The following SLC24A2 variants were observed in gnomAD, a reference collection of about 807,000 sequenced individuals.
The protein encoded by SLC24A2 is solute carrier family 24 member 2.
A neutral mutation model predicts 62.0 loss-of-function variants in SLC24A2; 36 were observed. The ratio of observed to expected loss-of-function variants is 0.58; its 90% CI spans 0.44 to 0.77. SLC24A2 has a LOEUF of 0.77. Ranked by LOEUF, SLC24A2 falls within the 30% of genes least tolerant of loss-of-function variation. The pLI, the probability that SLC24A2 is intolerant of heterozygous loss-of-function variation, is 0.00. For synonymous variants in SLC24A2, 358 were observed against 294.0 expected (o/e 1.22, Z -2.23); for missense variants, 846 against 817.9 (o/e 1.03, Z -0.42).
the SLC24A2 span, among the ~76,000 whole-genome samples, chr9:20,088,243 G>A: frequency 2.0e-5 from 3 of 152,256 alleles, no homozygotes; most frequent in Non-Finnish European, 2.9e-5. Flanking sequence ...AAGATCCACT[G>A]GCTTAGAACT....
intron 2 of SLC24A2, among the ~76,000 whole-genome samples, chr9:19,680,853 G>GTC (rs35244736): frequency 6.4e-5 from 2 of 31,204 alleles, no homozygotes; most frequent in African/African-American, 1.2e-4. Flanking sequence ...TACCAGAGTT[G>GTC]TGTGTGTGTG....
the SLC24A2 span, among the ~76,000 whole-genome samples, chr9:20,125,645 T>C: frequency 1.3e-5 from 2 of 152,172 alleles, no homozygotes; most frequent in African/African-American, 4.8e-5. Flanking sequence ...GGGACTCACC[T>C]ATGAGTTGCA....
intron 2 of SLC24A2, among the ~76,000 whole-genome samples, chr9:19,776,570 C>T (rs1822853182): frequency 6.6e-6 from 1 of 152,194 alleles, no homozygotes; most frequent in Non-Finnish European, 1.5e-5. Context: ...GGCGGTCTAG[C>T]GTCCTACAGT....
At chr9:19,545,932 T>A (rs1464580448) in intron 8 of SLC24A2, among the ~76,000 whole-genome samples, 2 of 152,210 alleles carry the variant, frequency 1.3e-5, no homozygotes, top group Non-Finnish European at 2.9e-5. Context: ...CCACTGCACC[T>A]GGCCTAGTTT....
intron 5 of SLC24A2, among the ~76,000 whole-genome samples, chr9:19,585,196 C>T (rs78515244): frequency 6.6e-6 from 1 of 152,084 alleles, no homozygotes; most frequent in Admixed American, 6.6e-5. Flanking sequence ...AATTGGAATT[C>T]TGAAAGTAAC....
chr9:20,121,390 T>C, the SLC24A2 span, among the ~76,000 whole-genome samples: 1 of 152,082 alleles, frequency 6.6e-6, no homozygotes, highest in African/African-American at 2.4e-5. Context: ...AAATACCACC[T>C]TGCAAATATT....
the SLC24A2 span, among the ~76,000 whole-genome samples, chr9:20,178,982 C>T: frequency 6.6e-6 from 1 of 152,262 alleles, no homozygotes. Context: ...TCCAAAATCA[C>T]ACTTCAATCA....
At chr9:19,955,478 T>C in the SLC24A2 span, among the ~76,000 whole-genome samples, 2 of 151,832 alleles carry the variant, frequency 1.3e-5, no homozygotes, top group African/African-American at 2.4e-5. Context: ...CACAGATAAG[T>C]TGTCTTGATA....
At chr9:19,822,806 G>A in the SLC24A2 span, among the ~76,000 whole-genome samples, 1 of 152,100 alleles carries the variant, frequency 6.6e-6, no homozygotes, top group Non-Finnish European at 1.5e-5. Context: ...TCAGAGGAAA[G>A]GTATCATCAT....
the SLC24A2 span, among the ~76,000 whole-genome samples, chr9:20,307,636 C>T: frequency 1.3e-5 from 2 of 152,114 alleles, no homozygotes; most frequent in African/African-American, 2.4e-5. Flanking sequence ...AATGAGGGGT[C>T]GGCAGGAAAT....
chr9:19,716,729 A>G (rs1820871277), intron 2 of SLC24A2, among the ~76,000 whole-genome samples: 1 of 152,144 alleles, frequency 6.6e-6, no homozygotes, highest in Non-Finnish European at 1.5e-5. Flanking sequence ...TACAGTTTAT[A>G]GCCACTATCA....
At chr9:19,635,554 G>A (rs997871486) in intron 2 of SLC24A2, among the ~76,000 whole-genome samples, 4 of 152,108 alleles carry the variant, frequency 2.6e-5, no homozygotes. Context: ...AAAATATCCT[G>A]GACCTATGGG....
chr9:20,154,199 C>G, the SLC24A2 span, among the ~76,000 whole-genome samples: 1 of 151,744 alleles, frequency 6.6e-6, no homozygotes, highest in South Asian at 2.1e-4. Flanking sequence ...CTAGAAACTT[C>G]CATCATGAAA....
At chr9:20,092,542 G>C in the SLC24A2 span, among the ~76,000 whole-genome samples, 1 of 152,010 alleles carries the variant, frequency 6.6e-6, no homozygotes, top group African/African-American at 2.4e-5. Context: ...CAATATATTT[G>C]GTTCATAAAG....
At chr9:20,067,876 A>C in the SLC24A2 span, among the ~76,000 whole-genome samples, 1 of 152,164 alleles carries the variant, frequency 6.6e-6, no homozygotes, top group African/African-American at 2.4e-5. Flanking sequence ...TGGTGTAACT[A>C]TCTATTTTCC....
chr9:20,183,794 GA>G, the SLC24A2 span, among the ~76,000 whole-genome samples: 1 of 152,182 alleles, frequency 6.6e-6, no homozygotes, highest in African/African-American at 2.4e-5. Flanking sequence ...GGGAGAGAGG[GA>G]AAGGGTCAAG....
At chr9:19,945,697 T>G in the SLC24A2 span, among the ~76,000 whole-genome samples, 2 of 152,266 alleles carry the variant, frequency 1.3e-5, no homozygotes, top group South Asian at 4.1e-4. Context: ...AATTGGAGAC[T>G]CAAGGATCTC....
intron 4 of SLC24A2, among the ~76,000 whole-genome samples, chr9:19,608,938 T>C (rs1234408041): frequency 6.6e-6 from 1 of 152,138 alleles, no homozygotes; most frequent in Admixed American, 6.5e-5. Context: ...GGACAATACA[T>C]AGTTTGGGGT....
intron 2 of SLC24A2, among the ~76,000 whole-genome samples, chr9:19,651,100 A>G (rs1818788806): frequency 6.6e-6 from 1 of 152,182 alleles, no homozygotes; most frequent in African/African-American, 2.4e-5. Context: ...TAATAGTATT[A>G]GGTAGCACAG....
Sources: allele counts gnomAD v4.1 joint callset (sites outside exome capture counted in the v4.1 genomes callset), GRCh38; gene constraint gnomAD v4.1.1; transcripts MANE v1.5; gene names NCBI Gene and HGNC (gene_info 2026-07-23, HGNC 2026-07-21).